The following SREK1 variants were observed in gnomAD, a reference collection of about 807,000 sequenced individuals.
SREK1 encodes splicing regulatory glutamine/lysine-rich protein 1.
In SREK1, 13 loss-of-function variants were observed where a neutral mutation model predicts 66.5. That is an observed-to-expected ratio of 0.20 (90% CI 0.13 to 0.31). The LOEUF is 0.31. SREK1 is among the 10% of genes least tolerant of loss of function. SREK1 has a pLI of 1.00. For missense variants in SREK1, 607 were observed against 769.6 expected (o/e 0.79, Z 2.50); for synonymous variants, 265 against 263.5 (o/e 1.01, Z -0.05).
Position 66,170,667 on chromosome 5 carries a change from G to A in SREK1, c.1204G>A (p.Glu402Lys). 1.2e-6 allele frequency: 2 copies of A among 1,612,860 alleles called. No individual in the cohort carries two copies. The highest frequency in any genetic ancestry group is 1.7e-6 in the Non-Finnish European group (2 of 1,179,524). The change falls in exon 9 of 12, where the codon GAA becomes AAA. Residue 402 changes from glutamate to lysine, a missense_variant. Physicochemically the swap from Glu to Lys is moderately conservative, Grantham distance 56. Around this residue, in one of 5 missense-constraint regions of SREK1, gnomAD observed 318 missense variants for 310.3 expected, o/e 1.02. Coordinates refer to ENST00000334121, the MANE Select transcript of SREK1 (RefSeq NM_001077199.3). ...AGACAGGGAAAAGGAGAGAGAGAGG[G>A]AAAAGGAACGTGAAAAAGAAAAGGA... Reference protein sequence around the residue: ...EKDREKEREREKEREKEKERG... With the variant: ...EKDREKERERKKEREKEKERG...
In SREK1 at chr5:66,182,394, A is replaced by T. The variant is rs1580693143; in HGVS notation, c.*3526A>T. On this transcript the variant is annotated 3_prime_UTR_variant, in exon 12 of 12. Coordinates refer to ENST00000334121, the MANE Select transcript of SREK1 (RefSeq NM_001077199.3). ...TTAGATGTTTATTTTCAAATTTTAA[A>T]AGCTAGTGCTCTTAAAAGAGCTAAA... is the stretch of plus-strand genomic sequence containing the variant. The T allele has an allele frequency of 6.6e-6, 1 of 152,150 alleles. No homozygotes were observed. 9.4% of individuals were successfully genotyped at this position (152,150 alleles called of 1,614,324 possible). A position where few individuals can be genotyped will look rare whatever the true frequency, so the allele number is the denominator to read the frequency against.
intron 1 of SREK1, 85 bp downstream of exon 1, chr5:66,144,622 GGCGCGC>G (rs781617216): frequency 1.4e-4 from 200 of 1,464,836 alleles, no homozygotes; most frequent in Non-Finnish European, 1.8e-4. Flanking sequence ...CGCGGACGCG[GGCGCGC>G]GGTGCATGTC....
intron 9 of SREK1, among the ~76,000 whole-genome samples, chr5:66,174,061 G>C (rs1401025648): frequency 6.6e-6 from 1 of 150,992 alleles, no homozygotes; most frequent in African/African-American, 2.5e-5. Flanking sequence ...GAAATGGTAA[G>C]GATAACATGA....
At chr5:66,167,804 CAAAAG>C (rs1745296409) in intron 7 of SREK1, 2 of 152,142 alleles carry the variant, frequency 1.3e-5, no homozygotes, top group African/African-American at 4.8e-5. Context: ...TTGAGGAAAA[CAAAAG>C]AATTATATTT....
chr5:66,170,225 C>G, intron 8 of SREK1, 55 bp downstream of exon 8: 3 of 1,548,816 alleles, frequency 1.9e-6, no homozygotes, highest in Non-Finnish European at 2.6e-6. Context: ...TCTGTTAGTG[C>G]TAAGGGATAA....
At chr5:66,158,376 C>T (rs1324718956) in intron 2 of SREK1, 2 of 153,052 alleles carry the variant, frequency 1.3e-5, no homozygotes, top group African/African-American at 4.8e-5. Context: ...GATAAGTATA[C>T]ATAAATTGGT....
rs1225394026 is a variant in SREK1 at position 66,183,576 on chromosome 5, TG to T, written c.*4709del. On this transcript the variant is annotated 3_prime_UTR_variant, in exon 12 of 12. Coordinates refer to ENST00000334121, the MANE Select transcript of SREK1 (RefSeq NM_001077199.3). ...GATTTATCAAACAATGCTGCTATTA[TG>T]TTGCTATATTTTTAATAAAATGAAA... 3 of 152,216 alleles carry T rather than the reference TG, an allele frequency of 2.0e-5. No homozygotes were observed. Among genetic ancestry groups the T allele is most frequent in the Non-Finnish European group, 4.4e-5 (3 of 68,030 alleles). 9.4% of individuals were successfully genotyped at this position (152,216 alleles called of 1,614,324 possible). A position where few individuals can be genotyped will look rare whatever the true frequency, so the allele number is the denominator to read the frequency against.
chr5:66,153,896 A>G, intron 2 of SREK1: 1 of 298,498 alleles, frequency 3.4e-6, no homozygotes, highest in South Asian at 4.4e-5. Flanking sequence ...TGATATGGGA[A>G]ATTATTTTAA....
chr5:66,159,737 G>T (rs1436876142), intron 3 of SREK1, among the ~76,000 whole-genome samples: 1 of 152,196 alleles, frequency 6.6e-6, no homozygotes, highest in African/African-American at 2.4e-5. Context: ...TTGAGAAAAT[G>T]TAATAAGGTG....
At chr5:66,152,499 A>C (rs1743929860) in intron 1 of SREK1, among the ~76,000 whole-genome samples, 1 of 152,240 alleles carries the variant, frequency 6.6e-6, no homozygotes, top group African/African-American at 2.4e-5. Context: ...ATTAGATGTT[A>C]ACTTTGCGAT....
At chr5:66,172,398 A>G (rs1048373815) in intron 9 of SREK1, among the ~76,000 whole-genome samples, 1 of 152,034 alleles carries the variant, frequency 6.6e-6, no homozygotes, top group Non-Finnish European at 1.5e-5. Flanking sequence ...TCCTAAATAT[A>G]TATGTATATA....
intron 9 of SREK1, among the ~76,000 whole-genome samples, chr5:66,173,659 C>A (rs879285972): frequency 6.6e-6 from 1 of 152,174 alleles, no homozygotes; most frequent in Non-Finnish European, 1.5e-5. Context: ...ATTAGACATC[C>A]ACTTGTACAT....
rs1163516299 is a variant in SREK1, at chr5:66,170,648, G to A, written c.1185G>A (p.Arg395=). ...AGGAAAGAGTGAAAGAGAAAGACAG[G>A]GAAAAGGAGAGAGAGAGGGAAAAGG... ...KEKERVKEKD[R]EKEREREKER... Residue 395 remains arginine (R), a synonymous_variant, in exon 9 of 12, where the codon AGG becomes AGA. Coordinates refer to ENST00000334121, the MANE Select transcript of SREK1 (RefSeq NM_001077199.3). 4 of 1,612,768 alleles carry A rather than the reference G, an allele frequency of 2.5e-6. No individual in the cohort carries two copies. Among genetic ancestry groups the A allele is most frequent in the Non-Finnish European group, 8.5e-7 (1 of 1,179,540 alleles).
intron 1 of SREK1, among the ~76,000 whole-genome samples, chr5:66,152,595 A>C (rs1276403294): frequency 6.6e-6 from 1 of 152,152 alleles, no homozygotes; most frequent in African/African-American, 2.4e-5. Context: ...TTTTCAAGTG[A>C]TCTCTCTTTT....
At chr5:66,156,949 G>T (rs1161767179) in intron 2 of SREK1, 1 of 985,080 alleles carries the variant, frequency 1.0e-6, no homozygotes, top group African/African-American at 1.7e-5. Context: ...GAGGAGTATA[G>T]TTTGGGAAAA....
chr5:66,159,052 C>A, intron 2 of SREK1, 167 bp from the exon 3 acceptor site: 1 of 1,419,346 alleles, frequency 7.0e-7, no homozygotes. Flanking sequence ...CCTAGTAGAG[C>A]AGGATAAAAG....
intron 10 of SREK1, among the ~76,000 whole-genome samples, chr5:66,176,329 T>A (rs969538409): frequency 6.6e-6 from 1 of 152,114 alleles, no homozygotes; most frequent in African/African-American, 2.4e-5. Flanking sequence ...ATTATTGAGA[T>A]TATACCGTAT....
intron 1 of SREK1, among the ~76,000 whole-genome samples, chr5:66,152,677 C>T (rs1255202635): frequency 6.6e-6 from 1 of 152,036 alleles, no homozygotes; most frequent in East Asian, 1.9e-4. Flanking sequence ...TACGTATGTA[C>T]TTAGTTCGGT....
At position 66,180,483 on chromosome 5, in the gene SREK1, A is replaced by G. The variant is rs945855567; in HGVS notation, c.*1615A>G. The stretch of plus-strand genomic sequence containing the variant: ...ACTTGAGTTTTCTTTTAATGTTAAT[A>G]AGATTGAAACTTTAGTATTTAGTGG... On this transcript the variant is annotated 3_prime_UTR_variant, in exon 12 of 12. Coordinates refer to ENST00000334121, the MANE Select transcript of SREK1 (RefSeq NM_001077199.3). 2 of 152,590 alleles carry G rather than the reference A, an allele frequency of 1.3e-5. No homozygotes were observed. Among genetic ancestry groups the G allele is most frequent in the African/African-American group, 4.8e-5 (2 of 41,452 alleles). The allele number at this position is 152,590 out of a possible 1,614,324, so 9.5% of individuals were successfully genotyped here. A position where few individuals can be genotyped will look rare whatever the true frequency, so the allele number is the denominator to read the frequency against.
Sources: allele counts gnomAD v4.1 joint callset (sites outside exome capture counted in the v4.1 genomes callset), GRCh38; gene constraint gnomAD v4.1.1; regional missense constraint gnomAD v4.1.1; transcripts MANE v1.5; gene names NCBI Gene and HGNC (gene_info 2026-07-23, HGNC 2026-07-21).